Variants in RBFOX1 observed in about 807,000 individuals in gnomAD.
The protein encoded by RBFOX1 is RNA binding protein fox-1 homolog 1.
RBFOX1 carries 8 observed loss-of-function variants against 57.7 expected under a neutral mutation model. That is an observed-to-expected ratio of 0.14 (90% CI 0.08 to 0.25). RBFOX1 has a LOEUF of 0.25. RBFOX1 is among the 10% of genes least tolerant of loss of function. RBFOX1 has a pLI of 1.00. For synonymous variants in RBFOX1, 326 were observed against 222.4 expected, an observed-to-expected ratio of 1.47 and a Z score of -4.15; for missense variants, 611 against 548.5, an observed-to-expected ratio of 1.11 and a Z score of -1.14.
intron 1 of RBFOX1, among the ~76,000 whole-genome samples, chr16:5,288,150 C>T (rs1481944167): frequency 5.3e-5 from 8 of 151,590 alleles, no homozygotes; most frequent in South Asian, 2.1e-4. Flanking sequence ...ATTTTATTTC[C>T]GATCAATTTT....
intron 1 of RBFOX1, among the ~76,000 whole-genome samples, chr16:6,179,398 A>G (rs751596442): frequency 3.3e-5 from 5 of 152,160 alleles, no homozygotes; most frequent in African/African-American, 7.2e-5. Flanking sequence ...TTATCTGTAT[A>G]AAGGAATAAT....
intron 4 of RBFOX1, among the ~76,000 whole-genome samples, chr16:7,480,986 A>G (rs914625192): frequency 6.6e-6 from 1 of 152,168 alleles, no homozygotes; most frequent in Non-Finnish European, 1.5e-5. Flanking sequence ...TAGGGCTGCT[A>G]CCTGCCATGC....
chr16:5,905,894 A>G (rs975212237), intron 4 of RBFOX1, among the ~76,000 whole-genome samples: 6 of 152,180 alleles, frequency 3.9e-5, no homozygotes, highest in Non-Finnish European at 7.3e-5. Context: ...TTTAGAATTC[A>G]TCTCTTTTTC....
chr16:7,190,541 G>A (rs1480737870), intron 4 of RBFOX1, among the ~76,000 whole-genome samples: 1 of 151,716 alleles, frequency 6.6e-6, no homozygotes, highest in Non-Finnish European at 1.5e-5. Flanking sequence ...CTGATGAGCT[G>A]GAGAGTGACC....
intron 1 of RBFOX1, among the ~76,000 whole-genome samples, chr16:5,398,693 G>A (rs1009771131): frequency 2.6e-5 from 4 of 152,098 alleles, no homozygotes; most frequent in African/African-American, 9.7e-5. Flanking sequence ...AGTGGGGGAG[G>A]AAGGAGGCTG....
At chr16:5,381,730 T>G (rs1185604750) in intron 1 of RBFOX1, among the ~76,000 whole-genome samples, 1 of 152,238 alleles carries the variant, frequency 6.6e-6, no homozygotes, top group African/African-American at 2.4e-5. Context: ...TGATGGTGAT[T>G]AATGTCGCTT....
chr16:7,452,743 C>G (rs974634230), intron 4 of RBFOX1, among the ~76,000 whole-genome samples: 1 of 152,176 alleles, frequency 6.6e-6, no homozygotes, highest in African/African-American at 2.4e-5. Flanking sequence ...GTCATAACTC[C>G]TGATCATGGC....
chr16:6,661,623 G>T (rs747468263), intron 3 of RBFOX1, among the ~76,000 whole-genome samples: 1 of 152,154 alleles, frequency 6.6e-6, no homozygotes, highest in African/African-American at 2.4e-5. Context: ...TAAGAACTGG[G>T]GTTGGAGCCC....
At chr16:6,778,256 T>C (rs1442807448) in intron 3 of RBFOX1, among the ~76,000 whole-genome samples, 59 of 152,178 alleles carry the variant, frequency 3.9e-4, no homozygotes, top group Non-Finnish European at 5.9e-5. Flanking sequence ...AGAATGTTTT[T>C]CAGTGTTTTT....
At chr16:6,853,568 G>T (rs555177678) in intron 3 of RBFOX1, among the ~76,000 whole-genome samples, 1 of 152,174 alleles carries the variant, frequency 6.6e-6, no homozygotes, top group East Asian at 1.9e-4. Context: ...GTGATTGAGG[G>T]AGGTTAGCAA....
chr16:6,158,647 C>T lies in RBFOX1; in HGVS notation c.-127+138655C>T, dbSNP rs533223959. ...ACCACTGCACATGAGTTAGGCATTG[C>T]GGATGACAGAGAAAAAGTCAGACAA... On this transcript the variant is annotated intron_variant, in intron 1 of 15. Coordinates refer to ENST00000550418, the MANE Select transcript of RBFOX1 (RefSeq NM_018723.4). Among the ~76,000 whole-genome samples, 9 of 152,136 alleles carry T rather than the reference C, an allele frequency of 5.9e-5. No homozygotes were observed. The East Asian group carries it at 1.4e-3, about 23-fold the overall frequency.
chr16:5,545,783 G>C (rs1456090554), intron 2 of RBFOX1, among the ~76,000 whole-genome samples: 1 of 152,128 alleles, frequency 6.6e-6, no homozygotes, highest in Non-Finnish European at 1.5e-5. Flanking sequence ...TCGGGAACAA[G>C]AATGTCTGCT....
chr16:6,771,715 G>A (rs1357352204), intron 3 of RBFOX1, among the ~76,000 whole-genome samples: 1 of 152,200 alleles, frequency 6.6e-6, no homozygotes, highest in Non-Finnish European at 1.5e-5. Flanking sequence ...TAATGCTACT[G>A]GCGTCTAGCG....
chr16:6,067,696 A>G (rs866321201), intron 1 of RBFOX1, among the ~76,000 whole-genome samples: 8 of 152,324 alleles, frequency 5.3e-5, no homozygotes, highest in Admixed American at 6.5e-5. Flanking sequence ...GCTGAGGGCT[A>G]AATCCATTAA....
chr16:5,756,785 G>C (rs2151633413), intron 3 of RBFOX1, among the ~76,000 whole-genome samples: 1 of 152,280 alleles, frequency 6.6e-6, no homozygotes, highest in Admixed American at 6.5e-5. Flanking sequence ...CAGGGATCTT[G>C]GCAAATTGGC....
intron 2 of RBFOX1, among the ~76,000 whole-genome samples, chr16:6,498,916 C>T (rs552937849): frequency 2.1e-4 from 32 of 152,162 alleles, no homozygotes; most frequent in Non-Finnish European, 3.8e-4. Flanking sequence ...TAGGCTTATA[C>T]GGCAAGTAGC....
At chr16:6,016,749 C>G (rs1158418784), upstream of RBFOX1, among the ~76,000 whole-genome samples, 3 of 152,172 alleles carry the variant, frequency 2.0e-5, no homozygotes, top group Non-Finnish European at 4.4e-5. Flanking sequence ...CTAGGTTGTC[C>G]TGGGAGCTGT....
intron 4 of RBFOX1, among the ~76,000 whole-genome samples, chr16:5,897,981 C>G (rs2058208795): frequency 6.6e-6 from 1 of 151,972 alleles, no homozygotes; most frequent in Non-Finnish European, 1.5e-5. Flanking sequence ...TCTCAGGCTG[C>G]TAATAAAGAC....
intron 4 of RBFOX1, among the ~76,000 whole-genome samples, chr16:7,212,413 C>G (rs948516586): frequency 6.6e-6 from 1 of 152,162 alleles, no homozygotes; most frequent in Admixed American, 6.5e-5. Flanking sequence ...AGCAACCCCT[C>G]TTTCCCACTA....
Sources: gnomAD v4.1 joint callset for allele counts (sites outside exome capture counted in the v4.1 genomes callset) on GRCh38, gnomAD v4.1.1 for gene constraint, MANE v1.5 for transcripts, NCBI Gene and HGNC (gene_info 2026-07-23, HGNC 2026-07-21) for gene names.